Variants in TTC39B observed in about 807,000 individuals in gnomAD.
TTC39B encodes tetratricopeptide repeat protein 39B.
A neutral mutation model predicts 96.6 loss-of-function variants in TTC39B; 92 were observed. That is an observed-to-expected ratio of 0.95 (90% CI 0.80 to 1.13). TTC39B has a LOEUF of 1.13. TTC39B is among the 50% of genes most tolerant of loss of function. The pLI is 0.00. For synonymous variants in TTC39B, 367 were observed against 299.4 expected, an observed-to-expected ratio of 1.23 and a Z score of -2.33; for missense variants, 955 against 809.3, an observed-to-expected ratio of 1.18 and a Z score of -2.18.
chr9:15,183,742 T>C (rs944592571), intron 16 of TTC39B, among the ~76,000 whole-genome samples: 8 of 152,220 alleles, frequency 5.3e-5, no homozygotes, highest in Admixed American at 5.2e-4. Flanking sequence ...AGGCTCTAAT[T>C]GGTTAAGCAA....
At chr9:15,280,166 G>C (rs112612947) in intron 1 of TTC39B, among the ~76,000 whole-genome samples, 8 of 152,204 alleles carry the variant, frequency 5.3e-5, no homozygotes, top group African/African-American at 1.9e-4. Flanking sequence ...CCAAAGTGCT[G>C]GGATTACAGG....
chr9:15,270,766 G>A (rs781774758), intron 1 of TTC39B, among the ~76,000 whole-genome samples: 5 of 151,024 alleles, frequency 3.3e-5, no homozygotes, highest in Admixed American at 6.6e-5. Flanking sequence ...AAAAAAACAC[G>A]ATTTCAAGAA....
chr9:15,166,426 CTCA>C (rs1817518296), exon 20 of TTC39B: 1 of 152,238 alleles, frequency 6.6e-6, no homozygotes, highest in Non-Finnish European at 1.5e-5. Context: ...CAAGAACCTG[CTCA>C]GCCATCTCAG....
exon 20 of TTC39B, chr9:15,164,750 A>G (rs1268734277): frequency 6.6e-6 from 1 of 152,178 alleles, no homozygotes; most frequent in Non-Finnish European, 1.5e-5. Flanking sequence ...AAGAAAAAAA[A>G]AAATAGACTA....
At chr9:15,203,873 T>C in exon 7 of TTC39B, 2 of 1,613,332 alleles carry the variant, frequency 1.2e-6, no homozygotes, top group Non-Finnish European at 1.7e-6. Flanking sequence ...GCATAACAGA[T>C]TTCAGCATGC....
chr9:15,182,514 G>A (rs1009595989), intron 16 of TTC39B, 99 bp from the exon 17 acceptor site: 10 of 723,024 alleles, frequency 1.4e-5, no homozygotes, highest in Non-Finnish European at 2.0e-5. Flanking sequence ...TCGGTTTCTA[G>A]GAACCTCAGG....
intron 2 of TTC39B, among the ~76,000 whole-genome samples, chr9:15,263,213 T>C (rs544354280): frequency 1.6e-4 from 24 of 152,238 alleles, no homozygotes; most frequent in East Asian, 1.2e-3. Context: ...CTCCTATTGG[T>C]TCTATTTGTC....
At chr9:15,290,022 C>T (rs1824126188) in intron 1 of TTC39B, among the ~76,000 whole-genome samples, 1 of 152,186 alleles carries the variant, frequency 6.6e-6, no homozygotes. Context: ...ACACCTAACA[C>T]TTGTGCTTTA....
intron 1 of TTC39B, among the ~76,000 whole-genome samples, chr9:15,304,376 G>A (rs1824690492): frequency 6.6e-6 from 1 of 152,096 alleles, no homozygotes; most frequent in East Asian, 1.9e-4. Flanking sequence ...GCTTTAAATG[G>A]CCACACACCA....
intron 1 of TTC39B, among the ~76,000 whole-genome samples, chr9:15,269,549 G>T (rs984014875): frequency 1.3e-5 from 2 of 152,116 alleles, no homozygotes; most frequent in Admixed American, 6.5e-5. Context: ...AAACAAAAGT[G>T]TAAATACTAA....
In TTC39B at chr9:15,169,869, T is replaced by C. The variant is rs1460195896; in HGVS notation, c.*2150A>G. The C allele has an allele frequency of 2.6e-5, 4 of 152,306 alleles. No individual in the cohort carries two copies. In the East Asian group the frequency reaches 7.7e-4, roughly 29 times the overall value. 9.4% of individuals were successfully genotyped at this position (152,306 alleles called of 1,614,324 possible). On this transcript the variant is annotated 3_prime_UTR_variant, in exon 20 of 20. Transcript: ENST00000512701. ...ATGGCCACTCTAAGCTTAAAACTGT[T>C]TCATTTTATCCCCAAAAGAGAATTT...
At chr9:15,268,661 G>A (rs140092395) in intron 1 of TTC39B, among the ~76,000 whole-genome samples, 5 of 152,036 alleles carry the variant, frequency 3.3e-5, no homozygotes, top group East Asian at 1.9e-4. Context: ...CCAGGTATCC[G>A]GGGTCCACCA....
chr9:15,263,110 C>T (rs913975792), intron 2 of TTC39B, among the ~76,000 whole-genome samples: 12 of 152,196 alleles, frequency 7.9e-5, no homozygotes, highest in Non-Finnish European at 1.3e-4. Flanking sequence ...GTGTCTCCAG[C>T]TTGCCAACTG....
chr9:15,259,721 C>T (rs1464178575), intron 2 of TTC39B, among the ~76,000 whole-genome samples: 1 of 152,162 alleles, frequency 6.6e-6, no homozygotes, highest in African/African-American at 2.4e-5. Flanking sequence ...AATGCATTTT[C>T]ACTTACTATA....
chr9:15,218,309 G>A (rs2131375876), intron 3 of TTC39B, among the ~76,000 whole-genome samples: 1 of 152,034 alleles, frequency 6.6e-6, no homozygotes, highest in South Asian at 2.1e-4. Flanking sequence ...CCATTCTCTA[G>A]CCTTGTGACC....
At chr9:15,256,027 G>A (rs1024734505) in intron 2 of TTC39B, among the ~76,000 whole-genome samples, 1 of 152,086 alleles carries the variant, frequency 6.6e-6, no homozygotes, top group Admixed American at 6.6e-5. Flanking sequence ...TTTAATGTTT[G>A]TGTCCCTCCA....
At chr9:15,189,727 T>A in exon 12 of TTC39B, 1 of 1,614,006 alleles carries the variant, frequency 6.2e-7, no homozygotes, top group East Asian at 2.2e-5. Context: ...GAGCGTACAT[T>A]TGGAAACTGC....
chr9:15,231,472 G>C (rs1304465039), intron 2 of TTC39B, among the ~76,000 whole-genome samples: 1 of 152,188 alleles, frequency 6.6e-6, no homozygotes, highest in Non-Finnish European at 1.5e-5. Context: ...TCTTTTTTAA[G>C]TACTTAATGG....
At chr9:15,295,355 G>C (rs1289725253) in intron 1 of TTC39B, among the ~76,000 whole-genome samples, 1 of 152,198 alleles carries the variant, frequency 6.6e-6, no homozygotes, top group African/African-American at 2.4e-5. Flanking sequence ...AGGTGGGCAG[G>C]CTGCATTTAA....
Sources: allele counts gnomAD v4.1 joint callset (sites outside exome capture counted in the v4.1 genomes callset), GRCh38; gene constraint gnomAD v4.1.1; transcripts MANE v1.5; gene names NCBI Gene and HGNC (gene_info 2026-07-23, HGNC 2026-07-21).